Variants in TBC1D9B observed in about 807,000 individuals in gnomAD.
TBC1D9B encodes the protein TBC1 domain family, member 9B (with GRAM domain).
A neutral mutation model predicts 121.1 loss-of-function variants in TBC1D9B; 87 were observed. That is an observed-to-expected ratio of 0.72 (90% CI 0.60 to 0.86). TBC1D9B has a LOEUF of 0.86. Among genes scored for constraint, TBC1D9B ranks in the 40% least tolerant of loss-of-function variants. The pLI is 0.00. For synonymous variants in TBC1D9B, 668 were observed against 670.1 expected, an observed-to-expected ratio of 1.00 and a Z score of 0.05; for missense variants, 1,540 against 1,628.6, an observed-to-expected ratio of 0.95 and a Z score of 0.94.
chr5:179,879,906 A>C (rs1372711888), intron 7 of TBC1D9B, 117 bp from the exon 8 acceptor site: 1 of 1,251,624 alleles, frequency 8.0e-7, no homozygotes, highest in African/African-American at 1.5e-5. Context: ...CATGGGGGCA[A>C]ACGGTGCACG....
intron 3 of TBC1D9B, among the ~76,000 whole-genome samples, chr5:179,897,880 A>C (rs1231689098): frequency 6.6e-6 from 1 of 152,222 alleles, no homozygotes; most frequent in Non-Finnish European, 1.5e-5. Flanking sequence ...AAAGCTGGTA[A>C]TGTCTGTCCA....
In TBC1D9B at chr5:179,867,354, G is replaced by C. The variant is rs1760043014; in HGVS notation, c.2863+424C>G. 2.2e-5 allele frequency: 30 copies of C among 1,349,654 alleles called. No homozygotes were observed. In the South Asian group the frequency reaches 4.3e-4, roughly 20 times the overall value. The allele number at this position is 1,349,654 out of a possible 1,614,324, so 83.6% of individuals were successfully genotyped here. A position where few individuals can be genotyped will look rare whatever the true frequency, so the allele number is the denominator to read the frequency against. On this transcript the variant is annotated intron_variant, in intron 18 of 20. Coordinates refer to ENST00000355235, the MANE Select transcript of TBC1D9B (RefSeq NM_015043.4). ...GCCCCAGAGGATGAAGTCCCAGAGAGGTCCCTGGGACAAAGAGCTTCCAGG... is the reference window on the plus strand; with the variant it reads ...GCCCCAGAGGATGAAGTCCCAGAGACGTCCCTGGGACAAAGAGCTTCCAGG...
chr5:179,903,999 C>CA (rs1761232872), intron 2 of TBC1D9B, among the ~76,000 whole-genome samples: 1 of 152,178 alleles, frequency 6.6e-6, no homozygotes, highest in Admixed American at 6.5e-5. Context: ...CAAATGACCA[C>CA]AAAATCGCTG....
chr5:179,896,257 C>T (rs1262881574), intron 3 of TBC1D9B, among the ~76,000 whole-genome samples: 1 of 152,196 alleles, frequency 6.6e-6, no homozygotes, highest in Non-Finnish European at 1.5e-5. Flanking sequence ...CATTAGTAAA[C>T]TTCTGTTTTT....
At chr5:179,905,692 ATT>A (rs1561652299) in intron 1 of TBC1D9B, among the ~76,000 whole-genome samples, 1 of 152,150 alleles carries the variant, frequency 6.6e-6, no homozygotes, top group African/African-American at 2.4e-5. Context: ...AGCTTTTATC[ATT>A]GTTTGATTCA....
chr5:179,872,848 G>GGCCCCCCCCCCCCACCCCCCCCCCCCC, intron 14 of TBC1D9B, 44 bp downstream of exon 14: 1 of 1,457,256 alleles, frequency 6.9e-7, no homozygotes, highest in Admixed American at 1.7e-5. Context: ...AGGCACTGCT[G>GGCCCCCCCCCCCCACCCCCCCCCCCCC]CCCCCCCAGC....
chr5:179,867,554 G>A (rs1412943318), intron 18 of TBC1D9B: 4 of 1,543,860 alleles, frequency 2.6e-6, no homozygotes, highest in South Asian at 1.2e-5. Context: ...CAAGGTCCAG[G>A]AAGACAGAGA....
At chr5:179,894,746 T>C (rs949625186) in intron 3 of TBC1D9B, 132 bp from the exon 4 acceptor site, 6 of 802,838 alleles carry the variant, frequency 7.5e-6, no homozygotes, top group South Asian at 1.8e-5. Flanking sequence ...CTGGGAACAG[T>C]CAGTGGCTCT....
chr5:179,875,841 G>T lies in TBC1D9B; in HGVS notation c.1900+79C>A. On this transcript the variant is annotated intron_variant, in intron 11 of 20. Transcript: ENST00000355235. This position sits in a 1 kb window ranked among gnomAD's most constrained non-coding sequence, Gnocchi z 4.5. ...GGAACCCACGTGAAGCCTGGAGCTT[G>T]GCCTGGGAAGGGCTGCCACCCTCAT... The T allele has an allele frequency of 8.5e-7, 1 of 1,171,022 alleles. No individual in the cohort carries two copies. Among genetic ancestry groups the T allele is most frequent in the Non-Finnish European group, 1.2e-6 (1 of 845,694 alleles). The allele number at this position is 1,171,022 out of a possible 1,614,324, so 72.5% of individuals were successfully genotyped here.
At chr5:179,899,797 C>A (rs1161000951) in intron 2 of TBC1D9B, among the ~76,000 whole-genome samples, 1 of 152,204 alleles carries the variant, frequency 6.6e-6, no homozygotes, top group African/African-American at 2.4e-5. Context: ...AGGCCCCTGG[C>A]CAGCGAGGCT....
intron 1 of TBC1D9B, among the ~76,000 whole-genome samples, chr5:179,906,322 C>G (rs1018222448): frequency 6.6e-6 from 1 of 151,996 alleles, no homozygotes. Context: ...TTGGGGGGAC[C>G]CTGGGAGCTC....
At chr5:179,869,979 CCCTGGCGT>C in intron 16 of TBC1D9B, 145 bp from the exon 17 acceptor site, 1 of 952,480 alleles carries the variant, frequency 1.0e-6, no homozygotes, top group Non-Finnish European at 1.5e-6. Flanking sequence ...TCTCCTGTCT[CCCTGGCGT>C]CCTGCTGGGA....
Position 179,890,645 on chromosome 5 carries a change from G to T in TBC1D9B, c.1044+734C>A, listed in dbSNP as rs1027606748. Among the ~76,000 whole-genome samples, 6 of 152,198 alleles carry T rather than the reference G, an allele frequency of 3.9e-5. No individual in the cohort carries two copies. The highest frequency in any genetic ancestry group is 1.4e-4 in the African/African-American group (6 of 41,438). ...AATGGCAGGGAGGTCTTTAAGTTAAGAATCTCACTTGATTCTTCTTATAAT... is the reference window on the plus strand; with the variant it reads ...AATGGCAGGGAGGTCTTTAAGTTAATAATCTCACTTGATTCTTCTTATAAT... On this transcript the variant is annotated intron_variant, in intron 6 of 20. Coordinates refer to ENST00000355235, the MANE Select transcript of TBC1D9B (RefSeq NM_015043.4). This position sits in a 1 kb window ranked among gnomAD's most constrained non-coding sequence, Gnocchi z 5.0.
At chr5:179,897,673 C>T (rs1216194726) in intron 3 of TBC1D9B, among the ~76,000 whole-genome samples, 1 of 152,164 alleles carries the variant, frequency 6.6e-6, no homozygotes, top group Non-Finnish European at 1.5e-5. Context: ...GCCTATGAGT[C>T]ATTTGGTTTG....
rs769650264 is a variant in TBC1D9B, at chr5:179,865,384, T to C, written c.2915-24A>G. 6 of 1,607,636 alleles carry C rather than the reference T, an allele frequency of 3.7e-6. No homozygotes were observed. The highest frequency in any genetic ancestry group is 5.1e-6 in the Non-Finnish European group (6 of 1,174,376). On this transcript the variant is annotated intron_variant, in intron 19 of 20. Coordinates refer to ENST00000355235, the MANE Select transcript of TBC1D9B (RefSeq NM_015043.4). This position sits in a 1 kb window ranked among gnomAD's most constrained non-coding sequence, Gnocchi z 5.1. The stretch of plus-strand genomic sequence containing the variant: ...CTCTGCAGGTTAGGAGGAAAGAGAT[T>C]AATCTTTGTCATGTGAGACGGCTGC...
At chr5:179,895,726 GC>G (rs1331803071) in intron 3 of TBC1D9B, among the ~76,000 whole-genome samples, 2 of 152,232 alleles carry the variant, frequency 1.3e-5, no homozygotes, top group Admixed American at 1.3e-4. Flanking sequence ...AGTGCTGGTG[GC>G]TGGGCCACCC....
In TBC1D9B at chr5:179,878,296, TCAGGCCCCTTACCTGG is replaced by T; in HGVS notation, c.1779_1782+12del. 6.2e-7 allele frequency: 1 copy of T among 1,606,392 alleles called. No homozygotes were observed. The highest frequency in any genetic ancestry group is 8.5e-7 in the Non-Finnish European group (1 of 1,177,390). On this transcript the variant is annotated splice_donor_variant and splice_donor_5th_base_variant and coding_sequence_variant and intron_variant, in exon 10 of 21. Coordinates refer to ENST00000355235, the MANE Select transcript of TBC1D9B (RefSeq NM_015043.4). LOFTEE classifies it high-confidence loss of function. ...GGCAGATGCTGTCTCTGGGCCCCTG[TCAGGCCCCTTACCTGG>T]CAGTAGCCGATGGTGGGGTTTCGGA...
At position 179,879,689 on chromosome 5, in the gene TBC1D9B, G is replaced by A; in HGVS notation, c.1355C>T (p.Ser452Phe). 4 of 1,614,214 alleles carry A rather than the reference G, an allele frequency of 2.5e-6. No individual in the cohort carries two copies. Among genetic ancestry groups the A allele is most frequent in the Non-Finnish European group, 3.4e-6 (4 of 1,180,030 alleles). Reference sequence around the variant, plus strand: ...CTGGAAGAGCTTCAGCAGGCCCTGGGATGCGGTTGGCGCCTCCTGCGCACA... The same window carrying A: ...CTGGAAGAGCTTCAGCAGGCCCTGGAATGCGGTTGGCGCCTCCTGCGCACA... ...SFCAQEAPTA[S>F]QGLLKLFQKN... The change falls in exon 8 of 21, where the codon TCC becomes TTC. Residue 452 changes from serine (S) to phenylalanine (F), a missense_variant. Physicochemically the swap from Ser to Phe is radical, Grantham distance 155. Coordinates refer to ENST00000355235, the MANE Select transcript of TBC1D9B (RefSeq NM_015043.4).
intron 3 of TBC1D9B, among the ~76,000 whole-genome samples, chr5:179,895,212 C>T (rs1760984707): frequency 6.6e-6 from 1 of 152,196 alleles, no homozygotes; most frequent in Non-Finnish European, 1.5e-5. Flanking sequence ...ATTGTTGAAA[C>T]ATTATCCATA....
Sources: allele counts gnomAD v4.1 joint callset (sites outside exome capture counted in the v4.1 genomes callset), GRCh38; gene constraint gnomAD v4.1.1; non-coding constraint Gnocchi (gnomAD v3.1); transcripts MANE v1.5; gene names NCBI Gene and HGNC (gene_info 2026-07-23, HGNC 2026-07-21).